Variants in SEMA3D observed in about 807,000 individuals in gnomAD.
SEMA3D encodes the protein semaphorin 3D.
SEMA3D carries 84 observed loss-of-function variants against 100.1 expected under a neutral mutation model. The ratio of observed to expected loss-of-function variants is 0.84; its 90% CI spans 0.70 to 1.01. SEMA3D has a LOEUF of 1.01. Ranked by LOEUF, SEMA3D falls within the 50% of genes least tolerant of loss-of-function variation. SEMA3D has a pLI of 0.00. For missense variants in SEMA3D, 875 were observed against 934.1 expected (o/e 0.94, Z 0.82); for synonymous variants, 312 against 320.7 (o/e 0.97, Z 0.29).
intron 3 of SEMA3D, among the ~76,000 whole-genome samples, chr7:85,118,306 T>C (rs1030745727): frequency 2.0e-5 from 3 of 152,286 alleles, no homozygotes; most frequent in Non-Finnish European, 4.4e-5. Flanking sequence ...TTTTAAAATC[T>C]TTGTCAGCTA....
At chr7:85,230,276 C>T in the SEMA3D span, among the ~76,000 whole-genome samples, 1 of 152,172 alleles carries the variant, frequency 6.6e-6, no homozygotes, top group Non-Finnish European at 1.5e-5. Context: ...CCAGCCTTTT[C>T]AATAATGGCA....
the SEMA3D span, among the ~76,000 whole-genome samples, chr7:85,236,387 A>G: frequency 2.6e-3 from 397 of 151,132 alleles, 2 homozygotes; most frequent in African/African-American, 9.3e-3. Context: ...GGCTCACTGC[A>G]ACCTCCAACT....
chr7:85,037,087 TTGAC>T (rs1790720961), intron 11 of SEMA3D, 54 bp from the exon 12 acceptor site: 5 of 1,566,720 alleles, frequency 3.2e-6, no homozygotes, highest in African/African-American at 1.4e-5. Context: ...TCAATAAACA[TTGAC>T]TGAGCACATA....
chr7:85,009,867 A>T (rs1214692558), intron 17 of SEMA3D, among the ~76,000 whole-genome samples: 1 of 151,864 alleles, frequency 6.6e-6, no homozygotes, highest in Non-Finnish European at 1.5e-5. Flanking sequence ...AGGTGCTAGG[A>T]TAATATGACA....
At chr7:85,082,554 T>C (rs910228667) in intron 4 of SEMA3D, among the ~76,000 whole-genome samples, 3 of 152,164 alleles carry the variant, frequency 2.0e-5, no homozygotes, top group Non-Finnish European at 4.4e-5. Flanking sequence ...CCGATAGACT[T>C]TTATTATGTT....
intron 1 of SEMA3D, among the ~76,000 whole-genome samples, chr7:85,169,683 T>C (rs1791030669): frequency 6.6e-6 from 1 of 151,888 alleles, no homozygotes; most frequent in South Asian, 2.1e-4. Context: ...CTGTGGTATC[T>C]GTTTCATTAT....
At chr7:85,240,263 T>C in the SEMA3D span, among the ~76,000 whole-genome samples, 1 of 152,138 alleles carries the variant, frequency 6.6e-6, no homozygotes, top group Non-Finnish European at 1.5e-5. Flanking sequence ...ATCATACGAT[T>C]TTTTTTCTTT....
chr7:85,227,027 ATTGAGAT>A, the SEMA3D span, among the ~76,000 whole-genome samples: 1 of 152,186 alleles, frequency 6.6e-6, no homozygotes, highest in Non-Finnish European at 1.5e-5. Context: ...AAAAGCAGTA[ATTGAGAT>A]CCCTTTCCAC....
In SEMA3D at chr7:85,183,223, C is replaced by T. The variant is rs547713954; in HGVS notation, c.-173+3455G>A. On this transcript the variant is annotated intron_variant, in intron 1 of 18. Transcript: ENST00000284136. The stretch of plus-strand genomic sequence containing the variant: ...AGACACAGAGATGCTTGCCAACCCC[C>T]GAAGTTATCTTCAGAGACACCTCTG... 3.3e-5 allele frequency among the ~76,000 whole-genome samples: 5 copies of T among 152,226 alleles called. No homozygotes were observed. The South Asian group carries it at 8.3e-4, about 25-fold the overall frequency.
chr7:85,121,038 C>T (rs922296223), intron 3 of SEMA3D, among the ~76,000 whole-genome samples: 1 of 152,040 alleles, frequency 6.6e-6, no homozygotes, highest in Non-Finnish European at 1.5e-5. Context: ...TAATTTTTGC[C>T]TATCACATTG....
At chr7:85,215,782 A>T in the SEMA3D span, among the ~76,000 whole-genome samples, 1 of 152,142 alleles carries the variant, frequency 6.6e-6, no homozygotes, top group South Asian at 2.1e-4. Flanking sequence ...CCCAACAAAC[A>T]AGACATTTCG....
At chr7:85,183,789 T>G (rs1357053336) in intron 1 of SEMA3D, among the ~76,000 whole-genome samples, 1 of 152,230 alleles carries the variant, frequency 6.6e-6, no homozygotes, top group Admixed American at 6.5e-5. Flanking sequence ...TACTTTTTCT[T>G]AACCTCCCAT....
intron 4 of SEMA3D, among the ~76,000 whole-genome samples, chr7:85,094,708 T>C (rs1010272803): frequency 6.6e-6 from 1 of 151,948 alleles, no homozygotes; most frequent in African/African-American, 2.4e-5. Flanking sequence ...CATTTTGATC[T>C]AGTGTTGGGG....
At chr7:85,015,885 G>T (rs1412203656) in intron 15 of SEMA3D, among the ~76,000 whole-genome samples, 1 of 151,650 alleles carries the variant, frequency 6.6e-6, no homozygotes, top group Non-Finnish European at 1.5e-5. Flanking sequence ...GAGTATCTGT[G>T]GTAGTAGCGG....
intron 4 of SEMA3D, among the ~76,000 whole-genome samples, chr7:85,096,936 G>A (rs552444767): frequency 1.1e-4 from 17 of 151,810 alleles, no homozygotes; most frequent in Admixed American, 9.9e-4. Context: ...GATTTAAACC[G>A]TGCAACTGCT....
chr7:85,148,811 GTA>G (rs1043642743), intron 2 of SEMA3D, among the ~76,000 whole-genome samples: 36 of 152,144 alleles, frequency 2.4e-4, no homozygotes, highest in South Asian at 4.1e-4. Context: ...GTGTGTGCAT[GTA>G]TGTGTGTGTG....
intron 1 of SEMA3D, chr7:85,181,616 A>G (rs1003318514): frequency 6.2e-6 from 1 of 160,924 alleles, no homozygotes; most frequent in African/African-American, 2.4e-5. Flanking sequence ...TTCTGCCCAC[A>G]AGGAAGAGAA....
At chr7:85,249,900 G>A in the SEMA3D span, among the ~76,000 whole-genome samples, 1 of 152,300 alleles carries the variant, frequency 6.6e-6, no homozygotes, top group South Asian at 2.1e-4. Context: ...CCAGTCTACA[G>A]CTCCCAGCGT....
At chr7:85,153,145 C>T (rs1790478372) in intron 2 of SEMA3D, among the ~76,000 whole-genome samples, 1 of 152,044 alleles carries the variant, frequency 6.6e-6, no homozygotes, top group African/African-American at 2.4e-5. Context: ...AAAAAGACTG[C>T]CTTTGGTATA....
Sources: allele counts gnomAD v4.1 joint callset (sites outside exome capture counted in the v4.1 genomes callset), GRCh38; gene constraint gnomAD v4.1.1; transcripts MANE v1.5; gene names NCBI Gene and HGNC (gene_info 2026-07-23, HGNC 2026-07-21).